The following GNAI3 variants were observed in gnomAD, a reference collection of about 807,000 sequenced individuals.
GNAI3 encodes the protein guanine nucleotide-binding protein G(i) subunit alpha-3.
Under a neutral mutation model 41.8 loss-of-function variants are expected in GNAI3, and 12 were observed. That is an observed-to-expected ratio of 0.29 (90% CI 0.18 to 0.47). GNAI3 has a LOEUF of 0.47. GNAI3 is among the 20% of genes least tolerant of loss of function. The probability of loss-of-function intolerance (pLI) is 1.00; values close to 1 mark genes in which losing one functional copy is unlikely to be tolerated. For synonymous variants in GNAI3, 132 were observed against 146.5 expected, an observed-to-expected ratio of 0.90 and a Z score of 0.71; for missense variants, 360 against 429.6, an observed-to-expected ratio of 0.84 and a Z score of 1.43.
intron 3 of GNAI3, among the ~76,000 whole-genome samples, chr1:109,575,534 C>CTTTTTTTTTTTTTTTTTTTTTTTTT (rs747890363): frequency 1.9e-5 from 1 of 52,854 alleles, no homozygotes; most frequent in Non-Finnish European, 3.2e-5. Flanking sequence ...CCTTTCATTT[C>CTTTTTTTTTTTTTTTTTTTTTTTTT]TTTTTTTTTT....
intron 7 of GNAI3, among the ~76,000 whole-genome samples, chr1:109,590,581 CTT>C (rs201086144): frequency 3.5e-5 from 5 of 144,892 alleles, no homozygotes; most frequent in Admixed American, 6.9e-5. Context: ...TTTTCCTTTC[CTT>C]TTTTTTTTTT....
chr1:109,571,955 A>G lies in GNAI3; in HGVS notation c.119-1782A>G, dbSNP rs116010585. 4.2e-4 allele frequency among the ~76,000 whole-genome samples: 64 copies of G among 151,994 alleles called. 1 individual carries two copies. Among genetic ancestry groups the G allele is most frequent in the Non-Finnish European group, 8.1e-4 (55 of 67,942 alleles). On this transcript the variant is annotated intron_variant, in intron 1 of 8. Transcript: ENST00000369851. The stretch of plus-strand genomic sequence containing the variant: ...ACCATGAGATTAGATAACTTAGAGA[A>G]TGAGTTTAGATAGGGAAAAGGGCCA...
In GNAI3 at chr1:109,573,877, G is replaced by A. The variant is rs1241627906; in HGVS notation, c.162-19G>A. On this transcript the variant is annotated intron_variant, in intron 2 of 8. Coordinates refer to ENST00000369851, the MANE Select transcript of GNAI3 (RefSeq NM_006496.4). ...TTTTAGGTCCATGGTATTGACTTGTGGTTTTCTTTGTTTTAAAGAATCATT... is the reference window on the plus strand; with the variant it reads ...TTTTAGGTCCATGGTATTGACTTGTAGTTTTCTTTGTTTTAAAGAATCATT... The A allele has an allele frequency of 6.2e-7, 1 of 1,608,034 alleles. No homozygotes were observed. Among genetic ancestry groups the A allele is most frequent in the Non-Finnish European group, 8.5e-7 (1 of 1,175,872 alleles).
At chr1:109,582,657 C>A in intron 5 of GNAI3, 92 bp downstream of exon 5, 1 of 856,130 alleles carries the variant, frequency 1.2e-6, no homozygotes, top group Non-Finnish European at 1.9e-6. Flanking sequence ...TTTCTCTGGG[C>A]AGTATTCCTT....
At position 109,598,992 on chromosome 1, in the gene GNAI3, C is replaced by T. The variant is rs768064471; in HGVS notation, c.*6670C>T. The T allele has an allele frequency of 5.6e-6, 3 of 534,580 alleles. No individual in the cohort carries two copies. The highest frequency in any genetic ancestry group is 4.2e-5 in the South Asian group (3 of 71,706). 33.1% of individuals were successfully genotyped at this position (534,580 alleles called of 1,614,324 possible). A position where few individuals can be genotyped will look rare whatever the true frequency, so the allele number is the denominator to read the frequency against. ...CGGCACACTTTGGTCTACGGCACAT[C>T]TCCAAGTATAGAGTGGGTTTTGAAT... On this transcript the variant is annotated 3_prime_UTR_variant, in exon 9 of 9. Transcript: ENST00000369851.
At chr1:109,552,668 T>C (rs1401679561) in intron 1 of GNAI3, among the ~76,000 whole-genome samples, 2 of 152,204 alleles carry the variant, frequency 1.3e-5, no homozygotes, top group Non-Finnish European at 2.9e-5. Context: ...TACTTTGTAT[T>C]TTTTTCATGC....
intron 1 of GNAI3, among the ~76,000 whole-genome samples, chr1:109,572,125 T>C (rs1303114666): frequency 6.6e-6 from 1 of 151,950 alleles, no homozygotes; most frequent in Admixed American, 6.6e-5. Context: ...CTGGCTAATA[T>C]GGTGAAAAAC....
At chr1:109,583,278 C>G (rs1648942178) in intron 5 of GNAI3, among the ~76,000 whole-genome samples, 1 of 152,154 alleles carries the variant, frequency 6.6e-6, no homozygotes, top group Admixed American at 6.5e-5. Context: ...AGTGTGATCA[C>G]AGCCCACTGC....
intron 5 of GNAI3, among the ~76,000 whole-genome samples, chr1:109,583,192 AT>A (rs912264577): frequency 6.6e-6 from 1 of 151,800 alleles, no homozygotes; most frequent in South Asian, 2.1e-4. Context: ...ATAAACAGTG[AT>A]TTTTTTGGTT....
At chr1:109,561,037 A>G (rs1475334390) in intron 1 of GNAI3, among the ~76,000 whole-genome samples, 1 of 152,238 alleles carries the variant, frequency 6.6e-6, no homozygotes, top group Non-Finnish European at 1.5e-5. Flanking sequence ...AACTATGACC[A>G]TGACTTATGT....
At chr1:109,582,730 A>G (rs1228653338) in intron 5 of GNAI3, among the ~76,000 whole-genome samples, 165 bp downstream of exon 5, 1 of 152,212 alleles carries the variant, frequency 6.6e-6, no homozygotes, top group Non-Finnish European at 1.5e-5. Flanking sequence ...GGGCCCAAAC[A>G]TCTCTTGTTT....
At chr1:109,550,354 C>A (rs1210411287) in intron 1 of GNAI3, among the ~76,000 whole-genome samples, 1 of 152,088 alleles carries the variant, frequency 6.6e-6, no homozygotes, top group Non-Finnish European at 1.5e-5. Flanking sequence ...TCAGAAGATG[C>A]GAGTTCAAAT....
Position 109,592,229 on chromosome 1 carries a change from A to G in GNAI3, c.1061A>G (p.Tyr354Cys), listed in dbSNP as rs1187959410. 3.8e-6 allele frequency: 6 copies of G among 1,597,792 alleles called. No homozygotes were observed. Among genetic ancestry groups the G allele is most frequent in the Non-Finnish European group, 5.1e-6 (6 of 1,165,396 alleles). The change falls in exon 8 of 9, where the codon TAT (tyrosine) becomes TGT (cysteine). Residue 354 changes from tyrosine to cysteine, a missense_variant. Tyr to Cys is a radical substitution (Grantham distance 194, BLOSUM62 -2). Coordinates refer to ENST00000369851, the MANE Select transcript of GNAI3 (RefSeq NM_006496.4). Reference sequence around the variant, plus strand: ...AACAACTTAAAGGAATGTGGACTTTATTGAGAAGCATGGATGTTAGTGAAA... The same window carrying G: ...AACAACTTAAAGGAATGTGGACTTTGTTGAGAAGCATGGATGTTAGTGAAA... Reference protein sequence around the residue: ...IKNNLKECGLY With the variant: ...IKNNLKECGLC
chr1:109,555,440 C>A (rs1346410687), intron 1 of GNAI3, among the ~76,000 whole-genome samples: 1 of 152,136 alleles, frequency 6.6e-6, no homozygotes, highest in African/African-American at 2.4e-5. Flanking sequence ...CGAAAGGACA[C>A]CCTGTTCCAC....
rs772551535 is a variant in GNAI3 at position 109,573,703 on chromosome 1, G to A, written c.119-34G>A. On this transcript the variant is annotated intron_variant, in intron 1 of 8. Transcript: ENST00000369851. ...ATATTATACTTTTATGTTGATTACCGAGAAATTCAAAGTCTGGTTTTCTTT... is the reference window on the plus strand; with the variant it reads ...ATATTATACTTTTATGTTGATTACCAAGAAATTCAAAGTCTGGTTTTCTTT... 1.4e-5 allele frequency: 22 copies of A among 1,538,494 alleles called. No homozygotes were observed. In the Middle Eastern group the frequency reaches 5.4e-4, roughly 37 times the overall value.
intron 1 of GNAI3, among the ~76,000 whole-genome samples, chr1:109,562,867 T>C (rs1350524472): frequency 6.6e-6 from 1 of 152,188 alleles, no homozygotes; most frequent in Non-Finnish European, 1.5e-5. Context: ...AGCATTGCAA[T>C]TAACTTTGGA....
chr1:109,555,288 T>C (rs1256237154), intron 1 of GNAI3, among the ~76,000 whole-genome samples: 1 of 152,150 alleles, frequency 6.6e-6, no homozygotes, highest in African/African-American at 2.4e-5. Flanking sequence ...AACTATACTG[T>C]AAGGCCATAA....
At position 109,579,485 on chromosome 1, in the gene GNAI3, T is replaced by TA. The variant is rs1648834696; in HGVS notation, c.461+129dup. The TA allele has an allele frequency of 7.2e-6, 4 of 558,538 alleles. No individual in the cohort carries two copies. The East Asian group carries it at 1.3e-4, about 18-fold the overall frequency. The allele number at this position is 558,538 out of a possible 1,614,324, so 34.6% of individuals were successfully genotyped here. ...TCTTAGACGTTTATAGGATACTTTA[T>TA]AAAAATTGTCTAAGTTTAGGATTAT... On this transcript the variant is annotated intron_variant, in intron 4 of 8. Transcript: ENST00000369851.
Position 109,548,956 on chromosome 1 carries a change from C to T in GNAI3, c.118+118C>T, listed in dbSNP as rs115300851. On this transcript the variant is annotated intron_variant, in intron 1 of 8. Transcript: ENST00000369851. The stretch of plus-strand genomic sequence containing the variant: ...CCCTAAAGGGATCTGGAGGGCGTGC[C>T]GGGCGTGGGGCGGGGTGTTGGGGTT... The T allele has an allele frequency of 3.9e-3, 1,023 of 263,646 alleles. 11 individuals carry two copies. The highest frequency in any genetic ancestry group is 0.026 in the African/African-American group (981 of 37,688). The allele number at this position is 263,646 out of a possible 1,614,324, so 16.3% of individuals were successfully genotyped here.
Sources: allele counts gnomAD v4.1 joint callset (sites outside exome capture counted in the v4.1 genomes callset), GRCh38; gene constraint gnomAD v4.1.1; transcripts MANE v1.5; gene names NCBI Gene and HGNC (gene_info 2026-07-23, HGNC 2026-07-21).